HGSNAT: variants seen among roughly 807,000 people sequenced by gnomAD.
HGSNAT encodes heparan-alpha-glucosaminide N-acetyltransferase, also known as transmembrane protein 76.
Under a neutral mutation model 85.2 loss-of-function variants are expected in HGSNAT, and 59 were observed. The ratio of observed to expected loss-of-function variants is 0.69; its 90% confidence interval spans 0.56 to 0.86. The LOEUF (loss-of-function observed/expected upper bound fraction) is 0.86, where lower values mean the gene tolerates loss of function less well. Among genes scored for constraint, HGSNAT ranks in the 40% least tolerant of loss-of-function variants. The pLI, the probability that HGSNAT is intolerant of heterozygous loss-of-function variation, is 0.00. For missense variants in HGSNAT, 756 were observed against 777.1 expected (o/e 0.97, Z 0.32); for synonymous variants, 321 against 304.5 (o/e 1.05, Z -0.56).
intron 10 of HGSNAT, among the ~76,000 whole-genome samples, chr8:43,179,665 A>AC (rs1480447403): frequency 4.0e-4 from 3 of 7,530 alleles, no homozygotes; most frequent in Admixed American, 3.0e-3. Flanking sequence ...CGGGGGGCTG[A>AC]TCCCCCCACC....
At chr8:43,147,932 A>C (rs1379970187) in intron 2 of HGSNAT, among the ~76,000 whole-genome samples, 1 of 152,168 alleles carries the variant, frequency 6.6e-6, no homozygotes, top group Non-Finnish European at 1.5e-5. Context: ...CCTGAATCTA[A>C]AATAAAAATT....
chr8:43,144,139 G>A (rs1424604455), intron 1 of HGSNAT, among the ~76,000 whole-genome samples: 1 of 151,770 alleles, frequency 6.6e-6, no homozygotes. Flanking sequence ...AGGTAACATG[G>A]TGAAACCCTG....
intron 5 of HGSNAT, among the ~76,000 whole-genome samples, chr8:43,168,798 CTG>C (rs1803516941): frequency 6.6e-6 from 1 of 152,190 alleles, no homozygotes; most frequent in Non-Finnish European, 1.5e-5. Flanking sequence ...CTGTCATATT[CTG>C]TGTTTAGTCA....
intron 5 of HGSNAT, 129 bp from the exon 6 acceptor site, chr8:43,169,044 A>G: frequency 4.2e-6 from 2 of 476,564 alleles, no homozygotes; most frequent in Non-Finnish European, 7.2e-6. Flanking sequence ...ATTGTTAAAA[A>G]ATGTTTAGAA....
Position 43,200,922 on chromosome 8 carries a change from G to A in HGSNAT, c.*1353G>A, listed in dbSNP as rs1804898963. On this transcript the variant is annotated 3_prime_UTR_variant, in exon 18 of 18. Coordinates refer to ENST00000379644, the MANE Select transcript of HGSNAT (RefSeq NM_152419.3). ...GCCTGCTGGACCCCTCCACCTGGAG[G>A]CCAGCCCATGTCTCAGGCCCAGCCC... The A allele has an allele frequency of 6.6e-6, 1 of 152,660 alleles. No homozygotes were observed. The highest frequency in any genetic ancestry group is 2.4e-5 in the African/African-American group (1 of 41,468). 9.5% of individuals were successfully genotyped at this position (152,660 alleles called of 1,614,324 possible). A position where few individuals can be genotyped will look rare whatever the true frequency, so the allele number is the denominator to read the frequency against.
intron 10 of HGSNAT, among the ~76,000 whole-genome samples, chr8:43,178,687 A>AG (rs34148447): frequency 7.0e-6 from 1 of 143,474 alleles, no homozygotes; most frequent in African/African-American, 2.7e-5. Context: ...ACAATAGTGG[A>AG]GGGAAGGTCA....
intron 11 of HGSNAT, among the ~76,000 whole-genome samples, chr8:43,183,848 A>G (rs1025648653): frequency 6.6e-6 from 1 of 151,584 alleles, no homozygotes; most frequent in African/African-American, 2.4e-5. Flanking sequence ...AAGTGTTCTC[A>G]TTGTTTAATT....
chr8:43,162,821 C>A (rs929427785), intron 5 of HGSNAT, among the ~76,000 whole-genome samples: 2 of 151,888 alleles, frequency 1.3e-5, no homozygotes, highest in African/African-American at 4.8e-5. Context: ...CCATCTGTCT[C>A]TGACTCCCAG....
At chr8:43,170,738 G>GT in intron 7 of HGSNAT, 44 bp downstream of exon 7, 1 of 1,222,394 alleles carries the variant, frequency 8.2e-7, no homozygotes, top group Non-Finnish European at 1.2e-6. Flanking sequence ...GGTAGTCACA[G>GT]GACTACATAA....
At chr8:43,174,104 C>G in intron 9 of HGSNAT, 1 of 164,860 alleles carries the variant, frequency 6.1e-6, no homozygotes. Context: ...GTAATCCCAG[C>G]TACTCGGGAG....
At position 43,140,652 on chromosome 8, in the gene HGSNAT, G is replaced by C. The variant is rs770444926; in HGVS notation, c.118+38G>C. 17 of 1,069,294 alleles carry C rather than the reference G, an allele frequency of 1.6e-5. No individual in the cohort carries two copies. In the South Asian group the frequency reaches 3.4e-4, roughly 21 times the overall value. 66.2% of individuals were successfully genotyped at this position (1,069,294 alleles called of 1,614,324 possible). A position where few individuals can be genotyped will look rare whatever the true frequency, so the allele number is the denominator to read the frequency against. ...CTCCTACCGCCGCCCGGCCGGCTAC[G>C]AGCGCAGCGTCTCCTCTCCGCGGCG... is the stretch of plus-strand genomic sequence containing the variant. On this transcript the variant is annotated intron_variant, in intron 1 of 17. Transcript: ENST00000379644.
intron 5 of HGSNAT, among the ~76,000 whole-genome samples, chr8:43,168,572 T>C (rs1803510453): frequency 6.6e-6 from 1 of 151,740 alleles, no homozygotes; most frequent in African/African-American, 2.4e-5. Context: ...AATTTTTGTA[T>C]TTTTAGTAGA....
intron 2 of HGSNAT, among the ~76,000 whole-genome samples, chr8:43,149,897 A>T (rs553455143): frequency 7.2e-5 from 11 of 152,158 alleles, no homozygotes; most frequent in South Asian, 2.1e-4. Flanking sequence ...TGAGTTGAAG[A>T]ATTTCCTGTT....
At chr8:43,193,933 A>AGG (rs1423547887) in intron 14 of HGSNAT, 90 bp downstream of exon 14, 11 of 1,561,896 alleles carry the variant, frequency 7.0e-6, no homozygotes, top group Non-Finnish European at 9.6e-6. Flanking sequence ...AATAATTGGA[A>AGG]GCATATTCTC....
intron 2 of HGSNAT, among the ~76,000 whole-genome samples, chr8:43,150,982 A>T (rs1802897811): frequency 6.6e-6 from 1 of 152,192 alleles, no homozygotes; most frequent in Non-Finnish European, 1.5e-5. Flanking sequence ...GTACTTTTTG[A>T]TGAAGTAGAT....
chr8:43,164,615 T>C (rs1196794175), intron 5 of HGSNAT, among the ~76,000 whole-genome samples: 1 of 152,042 alleles, frequency 6.6e-6, no homozygotes, highest in Non-Finnish European at 1.5e-5. Flanking sequence ...CCCCCATCTC[T>C]ACTAAAAATA....
In HGSNAT at chr8:43,199,379, C is replaced by G. The variant is rs76750342; in HGVS notation, c.1727-9C>G. On this transcript the variant is annotated splice_polypyrimidine_tract_variant and intron_variant, in intron 17 of 17. Transcript: ENST00000379644. Reference sequence around the variant, plus strand: ...GAAACATGATCTTCTGTATGTCTCTCTCCTTAAGGAATGAATTCCATTCTG... The same window carrying G: ...GAAACATGATCTTCTGTATGTCTCTGTCCTTAAGGAATGAATTCCATTCTG... 3,032 of 1,566,972 alleles carry G rather than the reference C, an allele frequency of 1.9e-3. 55 individuals carry two copies. The African/African-American group carries it at 0.036, about 19-fold the overall frequency.
At chr8:43,191,446 C>T (rs781200898) in intron 11 of HGSNAT, 28 bp from the exon 12 acceptor site, 33 of 1,606,062 alleles carry the variant, frequency 2.1e-5, no homozygotes, top group Middle Eastern at 1.7e-4. Flanking sequence ...TTAGTTCACC[C>T]GTGTTTTATT....
intron 13 of HGSNAT, among the ~76,000 whole-genome samples, chr8:43,192,949 G>A (rs1403685297): frequency 6.6e-6 from 1 of 152,194 alleles, no homozygotes; most frequent in Non-Finnish European, 1.5e-5. Context: ...CGTGCAGAGG[G>A]AGAAGTTGAC....
Sources: allele counts gnomAD v4.1 joint callset (sites outside exome capture counted in the v4.1 genomes callset), GRCh38; gene constraint gnomAD v4.1.1; transcripts MANE v1.5; gene names NCBI Gene and HGNC (gene_info 2026-07-23, HGNC 2026-07-21).